The following FHIT variants were observed in gnomAD, a reference collection of about 807,000 sequenced individuals.
FHIT encodes the protein fragile histidine triad diadenosine triphosphatase, also known as bis(5'-adenosyl)-triphosphatase.
FHIT carries 19 observed loss-of-function variants against 17.9 expected under a neutral mutation model. That is an observed-to-expected ratio of 1.06 (90% CI 0.74 to 1.56). FHIT has a LOEUF of 1.56. Among genes scored for constraint, FHIT ranks in the 40% most tolerant of loss-of-function variants. FHIT has a pLI of 0.00. For synonymous variants in FHIT, 81 were observed against 69.7 expected, an observed-to-expected ratio of 1.16 and a Z score of -0.81; for missense variants, 248 against 189.2, an observed-to-expected ratio of 1.31 and a Z score of -1.82.
intron 5 of FHIT, among the ~76,000 whole-genome samples, chr3:60,186,763 A>T (rs1246323797): frequency 6.6e-6 from 1 of 152,020 alleles, no homozygotes; most frequent in African/African-American, 2.4e-5. Flanking sequence ...TGTAAAAAGG[A>T]TGGAAAGTGC....
chr3:61,241,640 G>A (rs1288599133), intron 1 of FHIT, among the ~76,000 whole-genome samples: 1 of 152,156 alleles, frequency 6.6e-6, no homozygotes, highest in Non-Finnish European at 1.5e-5. Flanking sequence ...GTAGCTGTGA[G>A]TCTGAGAAAC....
chr3:59,821,846 G>A (rs1049842969), intron 8 of FHIT, among the ~76,000 whole-genome samples: 3 of 151,424 alleles, frequency 2.0e-5, no homozygotes, highest in Non-Finnish European at 2.9e-5. Context: ...AGTGGTATTC[G>A]GTTACATGAG....
chr3:60,604,829 T>A (rs1244441710), intron 4 of FHIT, among the ~76,000 whole-genome samples: 1 of 152,158 alleles, frequency 6.6e-6, no homozygotes, highest in Non-Finnish European at 1.5e-5. Context: ...AGCAAGTTCA[T>A]TTAATCCTCA....
intron 8 of FHIT, among the ~76,000 whole-genome samples, chr3:59,880,240 C>T (rs1207686215): frequency 3.9e-5 from 6 of 152,180 alleles, no homozygotes; most frequent in East Asian, 1.9e-4. Flanking sequence ...ATACTCCAAG[C>T]GCCTTCCCTC....
intron 3 of FHIT, among the ~76,000 whole-genome samples, chr3:60,882,422 A>C (rs574593757): frequency 6.6e-6 from 1 of 152,068 alleles, no homozygotes; most frequent in Non-Finnish European, 1.5e-5. Context: ...AGGACACAAC[A>C]AAAAAAGGCC....
At chr3:60,645,251 C>T (rs1307149099) in intron 4 of FHIT, among the ~76,000 whole-genome samples, 3 of 152,134 alleles carry the variant, frequency 2.0e-5, no homozygotes, top group Non-Finnish European at 4.4e-5. Flanking sequence ...TTGACAAAAA[C>T]TGGGAAATAT....
Position 60,129,051 on chromosome 3 carries a change from T to TG in FHIT, c.104-114900_104-114899insC, listed in dbSNP as rs1559658716. 1.3e-4 allele frequency among the ~76,000 whole-genome samples: 11 copies of TG among 87,218 alleles called. 1 individual carries two copies. Among genetic ancestry groups the TG allele is most frequent in the South Asian group, 3.7e-4 (1 of 2,712 alleles). 57.2% of individuals were successfully genotyped at this position (87,218 alleles called of 152,430 possible). A position where few individuals can be genotyped will look rare whatever the true frequency, so the allele number is the denominator to read the frequency against. On this transcript the variant is annotated intron_variant, in intron 5 of 9. Transcript: ENST00000492590. ...TCCCTTTTCTTCTTTCCTTTTTTGT[T>TG]TGTTTTTTTTTTTTTTTTTGAAACA...
intron 4 of FHIT, among the ~76,000 whole-genome samples, chr3:60,565,952 T>C: frequency 6.6e-6 from 1 of 152,188 alleles, no homozygotes; most frequent in African/African-American, 2.4e-5. Flanking sequence ...GAGATTCTGG[T>C]ATGTTGTGTC....
At chr3:60,814,292 T>C (rs1276709476) in intron 4 of FHIT, among the ~76,000 whole-genome samples, 1 of 152,158 alleles carries the variant, frequency 6.6e-6, no homozygotes, top group African/African-American at 2.4e-5. Flanking sequence ...GGGATATGAA[T>C]GGTAGCATTA....
At chr3:60,393,843 C>G (rs865975241) in intron 5 of FHIT, among the ~76,000 whole-genome samples, 2 of 152,172 alleles carry the variant, frequency 1.3e-5, no homozygotes, top group Admixed American at 6.5e-5. Flanking sequence ...GGCTTGGATT[C>G]TCTTCACTCC....
chr3:60,696,750 T>C (rs1268200176), intron 4 of FHIT, among the ~76,000 whole-genome samples: 1 of 152,164 alleles, frequency 6.6e-6, no homozygotes, highest in Admixed American at 6.5e-5. Context: ...GATATCTACA[T>C]GAATAATAAA....
At chr3:60,694,428 G>A (rs1211574081) in intron 4 of FHIT, among the ~76,000 whole-genome samples, 1 of 152,200 alleles carries the variant, frequency 6.6e-6, no homozygotes, top group Non-Finnish European at 1.5e-5. Context: ...GTGCTGGAGA[G>A]GATGTGGAGA....
chr3:60,031,077 A>G (rs1700978869), intron 5 of FHIT, among the ~76,000 whole-genome samples: 1 of 152,216 alleles, frequency 6.6e-6, no homozygotes, highest in South Asian at 2.1e-4. Flanking sequence ...TTCACTTTGC[A>G]GCAGCATGTG....
intron 5 of FHIT, among the ~76,000 whole-genome samples, chr3:60,484,651 C>G (rs933186209): frequency 6.6e-6 from 1 of 152,084 alleles, no homozygotes; most frequent in Non-Finnish European, 1.5e-5. Flanking sequence ...CTTCCTTACA[C>G]CTTATACAAA....
intron 4 of FHIT, among the ~76,000 whole-genome samples, chr3:60,680,818 G>A (rs1446557986): frequency 6.6e-6 from 1 of 152,164 alleles, no homozygotes; most frequent in Non-Finnish European, 1.5e-5. Context: ...CCAGGCACTA[G>A]AGCACATTTC....
chr3:60,934,957 A>C (rs1283364818), intron 3 of FHIT, among the ~76,000 whole-genome samples: 2 of 152,284 alleles, frequency 1.3e-5, no homozygotes, highest in East Asian at 3.9e-4. Context: ...TTCATGGAGA[A>C]TGCTTTCTCA....
At chr3:60,836,084 A>T (rs568030919) in intron 3 of FHIT, among the ~76,000 whole-genome samples, 66 of 152,262 alleles carry the variant, frequency 4.3e-4, no homozygotes, top group African/African-American at 1.5e-3. Flanking sequence ...AACTTCCTGC[A>T]CTATGTTGAA....
chr3:60,652,800 C>T (rs1171252912), intron 4 of FHIT, among the ~76,000 whole-genome samples: 1 of 149,562 alleles, frequency 6.7e-6, no homozygotes, highest in East Asian at 2.0e-4. Flanking sequence ...ATCCTAGCTA[C>T]TCAGGAGGCT....
intron 5 of FHIT, among the ~76,000 whole-genome samples, chr3:60,121,752 C>A (rs1292450118): frequency 6.8e-6 from 1 of 146,900 alleles, no homozygotes; most frequent in Non-Finnish European, 1.5e-5. Flanking sequence ...ACACATTAGC[C>A]CTGTGCCTAA....
Sources: gnomAD v4.1 joint callset for allele counts (sites outside exome capture counted in the v4.1 genomes callset) on GRCh38, gnomAD v4.1.1 for gene constraint, MANE v1.5 for transcripts, NCBI Gene and HGNC (gene_info 2026-07-23, HGNC 2026-07-21) for gene names.